The following ARHGAP23 variants were observed in gnomAD, a reference collection of about 807,000 sequenced individuals.
ARHGAP23 encodes rho GTPase-activating protein 23.
In ARHGAP23, 34 loss-of-function variants were observed where a neutral mutation model predicts 136.3. The observed-to-expected ratio is 0.25, with a 90% CI of 0.19 to 0.33. The LOEUF is 0.33. ARHGAP23 is among the 10% of genes least tolerant of loss of function. ARHGAP23 has a pLI of 1.00. For missense variants in ARHGAP23, 1,808 were observed against 2,139.0 expected, an observed-to-expected ratio of 0.85 and a Z score of 3.05; for synonymous variants, 832 against 920.5, an observed-to-expected ratio of 0.90 and a Z score of 1.74.
At chr17:38,509,082 G>A (rs2040697382) in intron 23 of ARHGAP23, among the ~76,000 whole-genome samples, 1 of 151,774 alleles carries the variant, frequency 6.6e-6, no homozygotes, top group Admixed American at 6.6e-5. Flanking sequence ...CTCCCAAGAG[G>A]CAGAGGAGAG....
intron 16 of ARHGAP23, among the ~76,000 whole-genome samples, chr17:38,484,773 G>A (rs972543671): frequency 6.6e-6 from 1 of 152,200 alleles, no homozygotes; most frequent in African/African-American, 2.4e-5. Context: ...TATATTGGGT[G>A]TGTTGTTTTG....
chr17:38,509,472 A>G (rs1323795980), intron 23 of ARHGAP23, among the ~76,000 whole-genome samples: 1 of 152,128 alleles, frequency 6.6e-6, no homozygotes, highest in Non-Finnish European at 1.5e-5. Flanking sequence ...GCAGGTTTCC[A>G]GGTGGCAGCG....
At chr17:38,444,066 G>A (rs918732186) in intron 1 of ARHGAP23, among the ~76,000 whole-genome samples, 4 of 152,128 alleles carry the variant, frequency 2.6e-5, no homozygotes, top group Admixed American at 2.0e-4. Flanking sequence ...CTGAAAAGGG[G>A]CTCTGGCCTC....
chr17:38,480,718 C>T (rs1220766964), intron 14 of ARHGAP23, among the ~76,000 whole-genome samples: 1 of 147,938 alleles, frequency 6.8e-6, no homozygotes, highest in East Asian at 2.0e-4. Flanking sequence ...ACACGAGAAT[C>T]ACTTGAGCCT....
intron 20 of ARHGAP23, among the ~76,000 whole-genome samples, chr17:38,495,475 C>G (rs1245320131): frequency 1.3e-5 from 2 of 152,162 alleles, no homozygotes; most frequent in Admixed American, 1.3e-4. Flanking sequence ...TCAGCTGATG[C>G]ACCTGCCTCA....
At position 38,461,782 on chromosome 17, in the gene ARHGAP23, T is replaced by A. The variant is rs548611365; in HGVS notation, c.253+850T>A. ...CTTGCTGGGTCTGCGGGAGTGGGCATCCCTGTGAGGAGGGCGTCTGACTCT... is the reference window on the plus strand; with the variant it reads ...CTTGCTGGGTCTGCGGGAGTGGGCAACCCTGTGAGGAGGGCGTCTGACTCT... On this transcript the variant is annotated intron_variant, in intron 3 of 23. Transcript: ENST00000622683. Among the ~76,000 whole-genome samples, 38 of 152,152 alleles carry A rather than the reference T, an allele frequency of 2.5e-4. No homozygotes were observed. In the Middle Eastern group the frequency reaches 0.01, roughly 41 times the overall value.
intron 20 of ARHGAP23, 85 bp downstream of exon 20, chr17:38,491,617 C>G: frequency 6.6e-7 from 1 of 1,523,914 alleles, no homozygotes; most frequent in Non-Finnish European, 8.9e-7. Context: ...CTCCGCCTGG[C>G]GGAGTGTGCC....
In ARHGAP23 at chr17:38,434,990, G is replaced by C. The variant is rs138909550; in HGVS notation, c.63+6442G>C. Among the ~76,000 whole-genome samples the C allele has an allele frequency of 2.9e-3, 444 of 152,318 alleles. 2 individuals carry two copies. The highest frequency in any genetic ancestry group is 9.8e-3 in the African/African-American group (406 of 41,570). ...GCTCAAGGTGGAGGAACTCTGTATT[G>C]TTCCTGAAAAGGGACAGAAGGAGGA... On this transcript the variant is annotated intron_variant, in intron 1 of 23. Coordinates refer to ENST00000622683, the MANE Select transcript of ARHGAP23 (RefSeq NM_001199417.2).
rs747519450 is a variant in ARHGAP23, at chr17:38,469,278, C to T, written c.1783C>T (p.Arg595Cys). Residue 595 changes from arginine to cysteine, a missense_variant, in exon 8 of 24, where the codon CGC (arginine) becomes TGC (cysteine). Transcript: ENST00000622683. ...CCCGACCTTCACTTTCACCCTCGGA[C>T]GCCATTACTCGCAGGACTGCAGTGA... The part of the protein sequence containing the change: ...SSPTFTFTLG[R>C]HYSQDCSSIK... The T allele has an allele frequency of 1.4e-5, 21 of 1,551,154 alleles. No individual in the cohort carries two copies. The highest frequency in any genetic ancestry group is 1.7e-4 in the Middle Eastern group (1 of 6,008).
intron 14 of ARHGAP23, among the ~76,000 whole-genome samples, chr17:38,480,305 C>G (rs1041057787): frequency 6.6e-6 from 1 of 152,156 alleles, no homozygotes; most frequent in African/African-American, 2.4e-5. Flanking sequence ...AGTTCAAGAC[C>G]AGCCTGACCA....
intron 1 of ARHGAP23, among the ~76,000 whole-genome samples, chr17:38,422,263 T>C (rs1245371263): frequency 6.6e-6 from 1 of 152,214 alleles, no homozygotes; most frequent in Admixed American, 6.5e-5. Context: ...TACAGTGTTG[T>C]CATGGGGACT....
rs866569266 is a variant in ARHGAP23 at position 38,510,797 on chromosome 17, C to T, written c.4301C>T (p.Ala1434Val). The T allele has an allele frequency of 2.0e-6, 3 of 1,501,296 alleles. No individual in the cohort carries two copies. Among genetic ancestry groups the T allele is most frequent in the Admixed American group, 2.2e-5 (1 of 45,154 alleles). The allele number at this position is 1,501,296 out of a possible 1,614,324, so 93.0% of individuals were successfully genotyped here. A position where few individuals can be genotyped will look rare whatever the true frequency, so the allele number is the denominator to read the frequency against. ...GGCGGAGGGGGCCCCCCGGAGCCTG[C>T]GGGCGCGCGGGCGCACAGTGACAAC... ...ELGGGGPPEPAGARAHSDNKD... is the reference protein window; with the variant it reads ...ELGGGGPPEPVGARAHSDNKD... Residue 1434 changes from alanine (A) to valine (V), a missense_variant, in exon 24 of 24, where the codon GCG becomes GTG. Around this residue, in one of 7 missense-constraint regions of ARHGAP23, gnomAD observed 506 missense variants for 455.8 expected, o/e 1.11. Transcript: ENST00000622683. This position sits in a 1 kb window ranked among gnomAD's most constrained non-coding sequence, Gnocchi z 4.6.
intron 1 of ARHGAP23, among the ~76,000 whole-genome samples, chr17:38,439,003 C>T (rs2038863065): frequency 6.6e-6 from 1 of 151,414 alleles, no homozygotes; most frequent in Non-Finnish European, 1.5e-5. Flanking sequence ...TAAATAGATA[C>T]ATACATACAT....
In ARHGAP23 at chr17:38,482,010, C is replaced by G; in HGVS notation, c.2630-12C>G. 1 of 1,521,566 alleles carries G rather than the reference C, an allele frequency of 6.6e-7. No homozygotes were observed. Among genetic ancestry groups the G allele is most frequent in the Non-Finnish European group, 8.8e-7 (1 of 1,135,490 alleles). The allele number at this position is 1,521,566 out of a possible 1,614,324, so 94.3% of individuals were successfully genotyped here. ...ACCCCAGCTCACTCTGGCTCTGTCT[C>G]CCCCACTTCAGATGACAGTGCTGCA... is the stretch of plus-strand genomic sequence containing the variant. On this transcript the variant is annotated splice_polypyrimidine_tract_variant and intron_variant, in intron 14 of 23. Transcript: ENST00000622683.
At chr17:38,452,142 G>A (rs932802243) in intron 1 of ARHGAP23, among the ~76,000 whole-genome samples, 27 of 151,612 alleles carry the variant, frequency 1.8e-4, no homozygotes, top group African/African-American at 6.0e-4. Flanking sequence ...CTCGTGGTCC[G>A]CTCTGCTCCC....
intron 22 of ARHGAP23, among the ~76,000 whole-genome samples, chr17:38,499,694 G>A (rs530377292): frequency 6.6e-6 from 1 of 152,066 alleles, no homozygotes; most frequent in Non-Finnish European, 1.5e-5. Context: ...TGTCGTGTGT[G>A]GTCGCCCATC....
chr17:38,439,132 G>A (rs896558823), intron 1 of ARHGAP23, among the ~76,000 whole-genome samples: 2 of 151,208 alleles, frequency 1.3e-5, no homozygotes, highest in Non-Finnish European at 2.9e-5. Context: ...AGCCGAGATC[G>A]CACCATAGCA....
intron 11 of ARHGAP23, among the ~76,000 whole-genome samples, chr17:38,473,297 T>TG (rs893318984): frequency 2.0e-4 from 31 of 152,154 alleles, no homozygotes; most frequent in African/African-American, 7.2e-4. Context: ...TCTGGGGTCT[T>TG]GGGGGTCCCT....
rs185268303 is a variant in ARHGAP23 at position 38,477,082 on chromosome 17, T to C, written c.2119-497T>C. 6.6e-6 allele frequency among the ~76,000 whole-genome samples: 1 copy of C among 152,082 alleles called. No homozygotes were observed. The highest frequency in any genetic ancestry group is 1.9e-4 in the East Asian group (1 of 5,160). ...GAAGCAGCCACTGGCTTTGGCCACA[T>C]GGCGGTTCTGGGTGTCCCTGAGAAG... On this transcript the variant is annotated intron_variant, in intron 11 of 23. Coordinates refer to ENST00000622683, the MANE Select transcript of ARHGAP23 (RefSeq NM_001199417.2). This position sits in a 1 kb window ranked among gnomAD's most constrained non-coding sequence, Gnocchi z 6.6.
Sources: allele counts gnomAD v4.1 joint callset (sites outside exome capture counted in the v4.1 genomes callset), GRCh38; gene constraint gnomAD v4.1.1; regional missense constraint gnomAD v4.1.1; non-coding constraint Gnocchi (gnomAD v3.1); transcripts MANE v1.5; gene names NCBI Gene and HGNC (gene_info 2026-07-23, HGNC 2026-07-21).